Variants in AXDND1 observed in about 807,000 individuals in gnomAD.
The protein encoded by AXDND1 is axonemal dynein light chain domain-containing protein 1.
A neutral mutation model predicts 137.5 loss-of-function variants in AXDND1; 110 were observed. That is an observed-to-expected ratio of 0.80 (90% CI 0.69 to 0.94). The LOEUF is 0.94. Among genes scored for constraint, AXDND1 ranks in the 40% least tolerant of loss-of-function variants. The pLI is 0.00. For missense variants in AXDND1, 1,191 were observed against 1,169.8 expected, an observed-to-expected ratio of 1.02 and a Z score of -0.26; for synonymous variants, 414 against 399.7, an observed-to-expected ratio of 1.04 and a Z score of -0.43.
intron 16 of AXDND1, among the ~76,000 whole-genome samples, chr1:179,459,478 A>G (rs146767446): frequency 6.6e-6 from 1 of 152,278 alleles, no homozygotes; most frequent in African/African-American, 2.4e-5. Context: ...TTAAGGCTTG[A>G]GTCTATGGCC....
chr1:179,483,137 A>G lies in AXDND1; in HGVS notation c.2007A>G (p.Gln669=), dbSNP rs765288501. The G allele has an allele frequency of 1.5e-5, 24 of 1,596,744 alleles. No individual in the cohort carries two copies. Among genetic ancestry groups the G allele is most frequent in the Admixed American group, 5.2e-5 (3 of 57,698 alleles). Residue 669 remains glutamine (Q), a synonymous_variant, in exon 18 of 26, where the codon CAA becomes CAG. Transcript: ENST00000367618. The part of the protein sequence containing the change: ...HIDVDSVSVL[Q]AYIFNMIQQW... The stretch of plus-strand genomic sequence containing the variant: ...TTGATTTTTCCTTCAGGGTACTCCA[A>G]GCGTATATATTTAACATGATTCAAC...
At chr1:179,443,980 G>A (rs539731733) in intron 15 of AXDND1, among the ~76,000 whole-genome samples, 1 of 150,454 alleles carries the variant, frequency 6.6e-6, no homozygotes, top group East Asian at 2.0e-4. Context: ...TTTTCTTTAG[G>A]AATAACTTGA....
chr1:179,492,709 A>G (rs1429063365), intron 19 of AXDND1, 146 bp from the exon 20 acceptor site: 1 of 534,352 alleles, frequency 1.9e-6, no homozygotes, highest in Non-Finnish European at 3.2e-6. Context: ...CTCCTTGGTG[A>G]GTCAGTAGCT....
intron 4 of AXDND1, among the ~76,000 whole-genome samples, chr1:179,373,515 C>T (rs1289677891): frequency 6.6e-6 from 1 of 152,106 alleles, no homozygotes; most frequent in Non-Finnish European, 1.5e-5. Flanking sequence ...GCCCACAGAG[C>T]CAAGACAAGC....
upstream of AXDND1, chr1:179,365,801 C>T (rs1667326456): frequency 2.0e-5 from 3 of 152,288 alleles, no homozygotes; most frequent in African/African-American, 7.2e-5. Context: ...CGTTTTTCTT[C>T]TCCTTTGCTA....
intron 16 of AXDND1, chr1:179,454,594 A>AGC (rs1661027895): frequency 6.6e-6 from 1 of 152,170 alleles, no homozygotes; most frequent in Non-Finnish European, 1.5e-5. Context: ...TGTGAGAGAG[A>AGC]GTATTGTGGG....
At chr1:179,537,907 T>A (rs1376182749) in intron 25 of AXDND1, among the ~76,000 whole-genome samples, 1 of 152,212 alleles carries the variant, frequency 6.6e-6, no homozygotes, top group African/African-American at 2.4e-5. Context: ...GACGTCTTCC[T>A]GGTTTAGTCT....
At chr1:179,528,641 CTTTTTTT>C (rs34531104) in intron 23 of AXDND1, among the ~76,000 whole-genome samples, 1,639 of 115,358 alleles carry the variant, frequency 0.014, 14 homozygotes, top group African/African-American at 0.03. Context: ...CTTTAAACCT[CTTTTTTT>C]TTTTTTTTTT....
intron 18 of AXDND1, among the ~76,000 whole-genome samples, chr1:179,484,085 G>T (rs374955504): frequency 2.6e-5 from 4 of 152,136 alleles, no homozygotes; most frequent in Non-Finnish European, 4.4e-5. Flanking sequence ...CACACACTGG[G>T]ACTCCTTCCT....
chr1:179,400,194 T>A (rs1651741618), intron 11 of AXDND1, among the ~76,000 whole-genome samples: 1 of 151,562 alleles, frequency 6.6e-6, no homozygotes, highest in South Asian at 2.1e-4. Context: ...AATCAACGAG[T>A]GGATAAAAAA....
chr1:179,508,745 A>G (rs1668762318), intron 20 of AXDND1, among the ~76,000 whole-genome samples: 1 of 152,054 alleles, frequency 6.6e-6, no homozygotes, highest in Non-Finnish European at 1.5e-5. Context: ...CACAGACCAC[A>G]TAGATTAGAA....
At chr1:179,371,650 AG>A (rs1351106116) in intron 4 of AXDND1, among the ~76,000 whole-genome samples, 1 of 152,190 alleles carries the variant, frequency 6.6e-6, no homozygotes. Flanking sequence ...TTAGATTGTC[AG>A]GGTGGGCCCA....
Position 179,445,064 on chromosome 1 carries a change from C to T in AXDND1, c.1658C>T (p.Ala553Val). 1.2e-6 allele frequency: 2 copies of T among 1,613,236 alleles called. No homozygotes were observed. The highest frequency in any genetic ancestry group is 1.7e-6 in the Non-Finnish European group (2 of 1,179,412). The change falls in exon 16 of 26, where the codon GCA becomes GTA. Residue 553 changes from alanine (A) to valine (V), a missense_variant. By Grantham distance (64) the Ala-to-Val change is moderately conservative (BLOSUM62 0). Transcript: ENST00000367618. The stretch of plus-strand genomic sequence containing the variant: ...ATTAAACATTTACAGGAAAACTGGG[C>T]AGATATTGGGCTTGGGATATTTAAT... ...KIIKHLQENWADIGLGIFNRH... is the reference protein window; with the variant it reads ...KIIKHLQENWVDIGLGIFNRH...
At chr1:179,386,927 A>G (rs1649319602) in intron 9 of AXDND1, among the ~76,000 whole-genome samples, 1 of 151,416 alleles carries the variant, frequency 6.6e-6, no homozygotes, top group Non-Finnish European at 1.5e-5. Context: ...ACAGGATCTT[A>G]CTTTAATCCT....
rs949060186 is a variant in AXDND1, at chr1:179,394,179, C to G, written c.1004+136C>G. 5.7e-6 allele frequency: 5 copies of G among 873,652 alleles called. No individual in the cohort carries two copies. The African/African-American group carries it at 7.0e-5, about 12-fold the overall frequency. The allele number at this position is 873,652 out of a possible 1,614,324, so 54.1% of individuals were successfully genotyped here. ...TTCCTTTTCATGTTTAGCAAGAGAA[C>G]AAAAAGAACTAGATGTCATTGTAGA... On this transcript the variant is annotated intron_variant, in intron 10 of 25. Transcript: ENST00000367618.
chr1:179,501,688 C>G (rs1052138216), intron 20 of AXDND1, among the ~76,000 whole-genome samples: 1 of 151,832 alleles, frequency 6.6e-6, no homozygotes, highest in African/African-American at 2.4e-5. Context: ...CCAGCCTGGG[C>G]GACAGAGTGA....
chr1:179,439,287 G>A (rs1658648121), intron 15 of AXDND1, among the ~76,000 whole-genome samples: 1 of 152,138 alleles, frequency 6.6e-6, no homozygotes, highest in Admixed American at 6.5e-5. Context: ...ATAGAACCAA[G>A]ACCTAATAAG....
At chr1:179,471,921 G>A (rs982789443) in intron 17 of AXDND1, among the ~76,000 whole-genome samples, 3 of 151,102 alleles carry the variant, frequency 2.0e-5, no homozygotes, top group Admixed American at 2.0e-4. Context: ...TTGAGATGGA[G>A]TCTCGCTCTG....
chr1:179,496,645 GA>G (rs1228010536), intron 20 of AXDND1, among the ~76,000 whole-genome samples: 1 of 151,950 alleles, frequency 6.6e-6, no homozygotes, highest in African/African-American at 2.4e-5. Context: ...CAAAGAACCA[GA>G]TTTTGCTTTC....
Sources: allele counts gnomAD v4.1 joint callset (sites outside exome capture counted in the v4.1 genomes callset), GRCh38; gene constraint gnomAD v4.1.1; transcripts MANE v1.5; gene names NCBI Gene and HGNC (gene_info 2026-07-23, HGNC 2026-07-21).